The following CTR9 variants were observed in gnomAD, a reference collection of about 807,000 sequenced individuals.
CTR9 encodes RNA polymerase-associated protein CTR9 homolog.
Under a neutral mutation model 152.1 loss-of-function variants are expected in CTR9, and 41 were observed. The observed-to-expected ratio is 0.27, with a 90% confidence interval of 0.21 to 0.35. The LOEUF (loss-of-function observed/expected upper bound fraction) is 0.35. Among genes scored for constraint, CTR9 ranks in the 10% least tolerant of loss-of-function variants. The pLI is 1.00. For missense variants in CTR9, 917 were observed against 1,424.4 expected (o/e 0.64, Z 5.73); for synonymous variants, 476 against 496.2 (o/e 0.96, Z 0.54).
At chr11:10,764,486 C>A (rs767974514) in intron 11 of CTR9, 50 bp downstream of exon 11, 36 of 1,045,062 alleles carry the variant, frequency 3.4e-5, no homozygotes, top group Non-Finnish European at 4.8e-5. Flanking sequence ...AAGTTGCATG[C>A]ACACCTTTTT....
rs1863219873 is a variant in CTR9 at position 10,775,603 on chromosome 11, A to G, written c.3065A>G (p.Asp1022Gly). ...AIISSSDDSS[D>G]EDKLKIADEG... ...ATTTCATCAAGTGATGACTCTTCGGATGAGGATAAACTTAAAATTGCTGAT... is the reference window on the plus strand; with the variant it reads ...ATTTCATCAAGTGATGACTCTTCGGGTGAGGATAAACTTAAAATTGCTGAT... The change falls in exon 24 of 25, where the codon GAT becomes GGT. Residue 1022 changes from aspartate to glycine, a missense_variant. By Grantham distance (94) the Asp-to-Gly change is moderately conservative (BLOSUM62 -1). This residue lies in a region of CTR9 where 384 missense variants were observed against 398.4 expected (regional missense o/e 0.96). Coordinates refer to ENST00000361367, the MANE Select transcript of CTR9 (RefSeq NM_014633.5). 4 of 1,612,698 alleles carry G rather than the reference A, an allele frequency of 2.5e-6. No individual in the cohort carries two copies. The highest frequency in any genetic ancestry group is 3.4e-6 in the Non-Finnish European group (4 of 1,179,014).
rs2279697 is a variant in CTR9, at chr11:10,751,502, G to A, written c.45+45G>A. The A allele has an allele frequency of 0.39, 620,303 of 1,588,700 alleles. 124,340 individuals are homozygous for A. The highest frequency in any genetic ancestry group is 0.53 in the East Asian group (23,795 of 44,590). On this transcript the variant is annotated intron_variant, in intron 1 of 24. Coordinates refer to ENST00000361367, the MANE Select transcript of CTR9 (RefSeq NM_014633.5). ...GCGGGTGGGGGCCATGAACTTGTAC[G>A]ATCGCCCCCACCGACTTCGCTCGAC...
chr11:10,757,214 G>A (rs550139922), intron 5 of CTR9, among the ~76,000 whole-genome samples: 2 of 152,208 alleles, frequency 1.3e-5, no homozygotes, highest in Admixed American at 6.5e-5. Flanking sequence ...GAGTCTGGGA[G>A]GTTGAGGCTG....
chr11:10,764,797 G>T (rs973253346), intron 12 of CTR9, 66 bp downstream of exon 12: 2 of 1,391,296 alleles, frequency 1.4e-6, no homozygotes, highest in African/African-American at 2.9e-5. Context: ...CAAAAATTTA[G>T]CCTGAAAAAA....
chr11:10,769,190 C>G (rs1240733008), intron 16 of CTR9, among the ~76,000 whole-genome samples: 2 of 151,942 alleles, frequency 1.3e-5, no homozygotes, highest in South Asian at 4.2e-4. Flanking sequence ...CCACTGCACT[C>G]TAGCCTGGGC....
At position 10,779,385 on chromosome 11, in the gene CTR9, C is replaced by G; in HGVS notation, c.*280C>G. On this transcript the variant is annotated 3_prime_UTR_variant, in exon 25 of 25. Transcript: ENST00000361367. Reference sequence around the variant, plus strand: ...AAACCCAGATGCTAAATCATTCCTACAAAGGTTTGACTGAAACTGTGGCAG... The same window carrying G: ...AAACCCAGATGCTAAATCATTCCTAGAAAGGTTTGACTGAAACTGTGGCAG... 3.0e-6 allele frequency: 1 copy of G among 328,372 alleles called. No homozygotes were observed. 20.3% of individuals were successfully genotyped at this position (328,372 alleles called of 1,614,324 possible). A position where few individuals can be genotyped will look rare whatever the true frequency, so the allele number is the denominator to read the frequency against.
At chr11:10,757,224 G>A (rs761124714) in intron 5 of CTR9, among the ~76,000 whole-genome samples, 6 of 152,094 alleles carry the variant, frequency 3.9e-5, no homozygotes, top group Admixed American at 3.9e-4. Context: ...GGTTGAGGCT[G>A]CAGTGAGCCA....
intron 21 of CTR9, 126 bp from the exon 22 acceptor site, chr11:10,773,884 CAA>C (rs11386264): frequency 0.025 from 9,922 of 396,758 alleles, no homozygotes; most frequent in Middle Eastern, 0.038. Context: ...GACTTCATCT[CAA>C]AAAAAAAAAA....
rs1017028184 is a variant in CTR9 at position 10,779,220 on chromosome 11, T to C, written c.*115T>C. 1 of 1,072,284 alleles carries C rather than the reference T, an allele frequency of 9.3e-7. No homozygotes were observed. The highest frequency in any genetic ancestry group is 1.3e-6 in the Non-Finnish European group (1 of 766,684). 66.4% of individuals were successfully genotyped at this position (1,072,284 alleles called of 1,614,324 possible). The stretch of plus-strand genomic sequence containing the variant: ...TGTGAAATTTTTCTTAAGGCAATTT[T>C]CTTTTCTATCAGTTTGTATATTACT... On this transcript the variant is annotated 3_prime_UTR_variant, in exon 25 of 25. Transcript: ENST00000361367.
chr11:10,768,093 G>A lies in CTR9; in HGVS notation c.1892G>A (p.Arg631His), dbSNP rs756637683. 5.6e-6 allele frequency: 9 copies of A among 1,613,858 alleles called. No homozygotes were observed. Among genetic ancestry groups the A allele is most frequent in the East Asian group, 2.2e-5 (1 of 44,890 alleles). ...CTATAGGAAAAGCGTCATCAAGATC[G>A]TGCTCTGGCCATCTACAAACAAGTA... is the stretch of plus-strand genomic sequence containing the variant. ...DREKEKRHQD[R>H]ALAIYKQVLR... The change falls in exon 15 of 25, where the codon CGT becomes CAT. Residue 631 changes from arginine (R) to histidine (H), a missense_variant. Arg to His is a conservative substitution (Grantham distance 29, BLOSUM62 0). This residue lies in a region of CTR9 where 87 missense variants were observed against 235.7 expected (regional missense o/e 0.37). Coordinates refer to ENST00000361367, the MANE Select transcript of CTR9 (RefSeq NM_014633.5).
chr11:10,766,503 A>C lies in CTR9; in HGVS notation c.1686+13A>C, dbSNP rs780042454. On this transcript the variant is annotated intron_variant, in intron 13 of 24. Coordinates refer to ENST00000361367, the MANE Select transcript of CTR9 (RefSeq NM_014633.5). ...TCAGATTAATCAGGTTGGTAATATT[A>C]ACTCTTAGGTTTGAGAAATAATTAT... 8 of 1,537,536 alleles carry C rather than the reference A, an allele frequency of 5.2e-6. No homozygotes were observed. The highest frequency in any genetic ancestry group is 7.1e-6 in the Non-Finnish European group (8 of 1,132,994).
In CTR9 at chr11:10,751,477, G is replaced by A; in HGVS notation, c.45+20G>A. The A allele has an allele frequency of 6.2e-7, 1 of 1,612,138 alleles. No individual in the cohort carries two copies. Among genetic ancestry groups the A allele is most frequent in the Non-Finnish European group, 8.5e-7 (1 of 1,179,328 alleles). ...GACGAGGTAAGTGTCGTGTATGGAG[G>A]CGGGTGGGGGCCATGAACTTGTACG... On this transcript the variant is annotated intron_variant, in intron 1 of 24. Coordinates refer to ENST00000361367, the MANE Select transcript of CTR9 (RefSeq NM_014633.5).
chr11:10,751,926 C>T (rs554972496), intron 1 of CTR9, among the ~76,000 whole-genome samples: 25 of 152,192 alleles, frequency 1.6e-4, no homozygotes, highest in Non-Finnish European at 3.2e-4. Flanking sequence ...GCTGTGTTCT[C>T]TACACCAACT....
At chr11:10,777,794 T>C (rs1185950925) in intron 24 of CTR9, among the ~76,000 whole-genome samples, 1 of 152,146 alleles carries the variant, frequency 6.6e-6, no homozygotes, top group Admixed American at 6.5e-5. Context: ...AAGAGAGTAA[T>C]ATATTTCACC....
chr11:10,760,975 G>C (rs1175894651), intron 6 of CTR9, among the ~76,000 whole-genome samples: 2 of 152,150 alleles, frequency 1.3e-5, no homozygotes, highest in African/African-American at 4.8e-5. Context: ...TCTTAGAGAA[G>C]CCCTGTCTTA....
At chr11:10,776,964 C>T (rs1372726464) in intron 24 of CTR9, among the ~76,000 whole-genome samples, 1 of 86,014 alleles carries the variant, frequency 1.2e-5, no homozygotes, top group Non-Finnish European at 2.0e-5. Flanking sequence ...CAGAATGAGA[C>T]TCTTGTGAAA....
At chr11:10,772,238 C>G (rs923376203) in intron 19 of CTR9, among the ~76,000 whole-genome samples, 1 of 151,898 alleles carries the variant, frequency 6.6e-6, no homozygotes, top group Non-Finnish European at 1.5e-5. Context: ...ACCTGTAATC[C>G]CAGCTACTCG....
At chr11:10,761,829 C>A in intron 6 of CTR9, 118 bp from the exon 7 acceptor site, 3 of 534,630 alleles carry the variant, frequency 5.6e-6, no homozygotes, top group South Asian at 6.6e-5. Context: ...AGCTTCTAAT[C>A]CGTTTTAGTG....
intron 5 of CTR9, among the ~76,000 whole-genome samples, chr11:10,759,462 A>G (rs1862941091): frequency 6.6e-6 from 1 of 152,214 alleles, no homozygotes; most frequent in African/African-American, 2.4e-5. Flanking sequence ...GAGTGTATTC[A>G]AGAGAAAATG....
Sources: gnomAD v4.1 joint callset for allele counts (sites outside exome capture counted in the v4.1 genomes callset) on GRCh38, gnomAD v4.1.1 for gene constraint, gnomAD v4.1.1 regional missense constraint, MANE v1.5 for transcripts, NCBI Gene and HGNC (gene_info 2026-07-23, HGNC 2026-07-21) for gene names.